CENPU: variants seen among roughly 807,000 people sequenced by gnomAD.
CENPU encodes centromere protein U, also known as KSHV latent nuclear antigen interacting protein 1.
In CENPU, 46 loss-of-function variants were observed where a neutral mutation model predicts 56.7. The observed-to-expected ratio is 0.81, with a 90% CI of 0.64 to 1.04. The LOEUF (loss-of-function observed/expected upper bound fraction) is 1.04. Among genes scored for constraint, CENPU ranks in the 50% least tolerant of loss-of-function variants. CENPU has a pLI of 0.00. For missense variants in CENPU, 510 were observed against 490.1 expected (o/e 1.04, Z -0.38); for synonymous variants, 166 against 163.0 (o/e 1.02, Z -0.14).
Position 184,694,450 on chromosome 4 carries a change from TA to T in CENPU, c.*837del. On this transcript the variant is annotated 3_prime_UTR_variant, in exon 13 of 13. Coordinates refer to ENST00000281453, the MANE Select transcript of CENPU (RefSeq NM_024629.4). ...TAATACCTTACTTCAACATAGAGTA[TA>T]AGGTTAAATCACATATCCTGAGTAA... 5.2e-6 allele frequency: 8 copies of T among 1,537,850 alleles called. No individual in the cohort carries two copies. The highest frequency in any genetic ancestry group is 7.0e-6 in the Non-Finnish European group (8 of 1,140,702).
chr4:184,710,593 G>A (rs1760889751), intron 7 of CENPU, among the ~76,000 whole-genome samples: 1 of 152,090 alleles, frequency 6.6e-6, no homozygotes, highest in Non-Finnish European at 1.5e-5. Context: ...TTAAATAATT[G>A]TAGTAATATA....
intron 8 of CENPU, among the ~76,000 whole-genome samples, chr4:184,706,870 C>T (rs965250900): frequency 2.6e-5 from 4 of 152,182 alleles, no homozygotes; most frequent in Non-Finnish European, 4.4e-5. Flanking sequence ...CTACCCACTG[C>T]AGCAACTCAG....
At chr4:184,730,558 A>G (rs768394108) in intron 2 of CENPU, among the ~76,000 whole-genome samples, 5 of 131,278 alleles carry the variant, frequency 3.8e-5, no homozygotes, top group Non-Finnish European at 8.2e-5. Flanking sequence ...CTCTAAAGAA[A>G]AGTAAACCTG....
intron 2 of CENPU, among the ~76,000 whole-genome samples, chr4:184,730,039 G>T (rs2150232260): frequency 6.6e-6 from 1 of 152,298 alleles, no homozygotes; most frequent in Admixed American, 6.5e-5. Context: ...GGAGAGAGCT[G>T]GCAGGTCTTC....
Position 184,695,256 on chromosome 4 carries a change from T to C in CENPU, c.*32A>G. ...GAAGGTAACAGCATGAGACTAGTCT[T>C]CCTATAGGCACATTTTAGTAGACTG... is the stretch of plus-strand genomic sequence containing the variant. On this transcript the variant is annotated 3_prime_UTR_variant, in exon 13 of 13. Coordinates refer to ENST00000281453, the MANE Select transcript of CENPU (RefSeq NM_024629.4). 1 of 1,410,892 alleles carries C rather than the reference T, an allele frequency of 7.1e-7. No individual in the cohort carries two copies. The highest frequency in any genetic ancestry group is 1.4e-5 in the African/African-American group (1 of 71,096). 87.4% of individuals were successfully genotyped at this position (1,410,892 alleles called of 1,614,324 possible).
chr4:184,722,708 A>G (rs1401363), intron 4 of CENPU, among the ~76,000 whole-genome samples: 25,644 of 151,808 alleles, frequency 0.17, 2,358 homozygotes, highest in African/African-American at 0.23. Context: ...AACAAAACAA[A>G]ACAAAACAAA....
intron 10 of CENPU, 68 bp downstream of exon 10, chr4:184,702,021 A>C: frequency 3.0e-6 from 3 of 1,016,558 alleles, no homozygotes; most frequent in Non-Finnish European, 4.6e-6. Context: ...ACCCAGAGTC[A>C]AGTCTTCGCA....
At chr4:184,696,020 T>C (rs1760283257) in intron 12 of CENPU, among the ~76,000 whole-genome samples, 1 of 152,108 alleles carries the variant, frequency 6.6e-6, no homozygotes, top group East Asian at 1.9e-4. Context: ...TTGAAATAAT[T>C]AACAAAGTCA....
In CENPU at chr4:184,694,444, AG is replaced by A; in HGVS notation, c.*843del. 6.6e-7 allele frequency: 1 copy of A among 1,508,268 alleles called. No homozygotes were observed. Among genetic ancestry groups the A allele is most frequent in the South Asian group, 1.3e-5 (1 of 74,728 alleles). 93.4% of individuals were successfully genotyped at this position (1,508,268 alleles called of 1,614,324 possible). A position where few individuals can be genotyped will look rare whatever the true frequency, so the allele number is the denominator to read the frequency against. On this transcript the variant is annotated 3_prime_UTR_variant, in exon 13 of 13. Coordinates refer to ENST00000281453, the MANE Select transcript of CENPU (RefSeq NM_024629.4). ...GTCACTTAATACCTTACTTCAACATAGAGTATAAGGTTAAATCACATATCCT... is the reference window on the plus strand; with the variant it reads ...GTCACTTAATACCTTACTTCAACATAAGTATAAGGTTAAATCACATATCCT...
chr4:184,704,187 C>T (rs1410354346), intron 8 of CENPU, among the ~76,000 whole-genome samples: 1 of 152,090 alleles, frequency 6.6e-6, no homozygotes, highest in Non-Finnish European at 1.5e-5. Flanking sequence ...TCCAGTGATC[C>T]TCCTGCCTCA....
intron 8 of CENPU, among the ~76,000 whole-genome samples, chr4:184,704,484 T>C (rs1443135016): frequency 6.6e-6 from 1 of 150,616 alleles, no homozygotes; most frequent in East Asian, 2.0e-4. Flanking sequence ...GTACATGCCA[T>C]CTAAGTTGGT....
intron 2 of CENPU, among the ~76,000 whole-genome samples, chr4:184,729,504 A>G (rs1272054784): frequency 6.6e-6 from 1 of 152,238 alleles, no homozygotes; most frequent in Admixed American, 6.5e-5. Context: ...GAACACTGCA[A>G]TTTGAATTTC....
rs200846398 is a variant in CENPU at position 184,700,771 on chromosome 4, A to T, written c.986+49T>A. The T allele has an allele frequency of 1.4e-5, 21 of 1,490,100 alleles. No homozygotes were observed. In the African/African-American group the frequency reaches 1.9e-4, roughly 14 times the overall value. The allele number at this position is 1,490,100 out of a possible 1,614,324, so 92.3% of individuals were successfully genotyped here. A position where few individuals can be genotyped will look rare whatever the true frequency, so the allele number is the denominator to read the frequency against. On this transcript the variant is annotated intron_variant, in intron 11 of 12. Transcript: ENST00000281453. ...TCACTCCCCTAAATGACACACCATCATTACATCCTTTTAGGTAAGTGCTCA... is the reference window on the plus strand; with the variant it reads ...TCACTCCCCTAAATGACACACCATCTTTACATCCTTTTAGGTAAGTGCTCA...
At chr4:184,732,320 G>A (rs912150691) in intron 1 of CENPU, among the ~76,000 whole-genome samples, 1 of 152,054 alleles carries the variant, frequency 6.6e-6, no homozygotes, top group Non-Finnish European at 1.5e-5. Flanking sequence ...TTCTCAAGAG[G>A]GCTTGTTGAA....
chr4:184,704,329 T>A (rs566189698), intron 8 of CENPU, among the ~76,000 whole-genome samples: 3 of 152,290 alleles, frequency 2.0e-5, no homozygotes, highest in African/African-American at 7.2e-5. Flanking sequence ...CTGTACCTTT[T>A]CTATGTTTAG....
At position 184,702,388 on chromosome 4, in the gene CENPU, T is replaced by G. The variant is rs1760564883; in HGVS notation, c.851A>C (p.Asn284Thr). The change falls in exon 9 of 13, where the codon AAT (asparagine) becomes ACT (threonine). Residue 284 changes from asparagine to threonine, a missense_variant. Transcript: ENST00000281453. ...CATTTTGATGAATTGTTCTTTAACA[T>G]TAACATAAAATGTGGCGATGGCTGC... is the stretch of plus-strand genomic sequence containing the variant. ...CKAAIATFYV[N>T]VKEQFIKMLK... 1 of 1,612,474 alleles carries G rather than the reference T, an allele frequency of 6.2e-7. No homozygotes were observed.
chr4:184,702,457 A>G lies in CENPU; in HGVS notation c.798-16T>C. The G allele has an allele frequency of 6.3e-7, 1 of 1,583,938 alleles. No individual in the cohort carries two copies. Among genetic ancestry groups the G allele is most frequent in the Non-Finnish European group, 8.6e-7 (1 of 1,163,032 alleles). On this transcript the variant is annotated splice_polypyrimidine_tract_variant and intron_variant, in intron 8 of 12. Transcript: ENST00000281453. ...TATTCTTTGTCTGTAGAGGAATTAA[A>G]AAAAAGTCTAAGTACCATGATGGAT...
intron 2 of CENPU, 61 bp downstream of exon 2, chr4:184,730,859 C>CA: frequency 7.3e-7 from 1 of 1,361,910 alleles, no homozygotes; most frequent in Non-Finnish European, 1.0e-6. Flanking sequence ...CTGAGGTACC[C>CA]AAAAAATGTT....
At position 184,710,198 on chromosome 4, in the gene CENPU, G is replaced by T. The variant is rs556916425; in HGVS notation, c.689-18C>A. On this transcript the variant is annotated intron_variant, in intron 7 of 12. Coordinates refer to ENST00000281453, the MANE Select transcript of CENPU (RefSeq NM_024629.4). ...AGAAGTATCTAAAATATTAAGATAAGTTAACATGCTGGTTATTCATATTTT... is the reference window on the plus strand; with the variant it reads ...AGAAGTATCTAAAATATTAAGATAATTTAACATGCTGGTTATTCATATTTT... 3.3e-6 allele frequency: 5 copies of T among 1,507,338 alleles called. No individual in the cohort carries two copies. The highest frequency in any genetic ancestry group is 4.6e-6 in the Non-Finnish European group (5 of 1,090,126). The allele number at this position is 1,507,338 out of a possible 1,614,324, so 93.4% of individuals were successfully genotyped here.
Sources: gnomAD v4.1 joint callset for allele counts (sites outside exome capture counted in the v4.1 genomes callset) on GRCh38, gnomAD v4.1.1 for gene constraint, MANE v1.5 for transcripts, NCBI Gene and HGNC (gene_info 2026-07-23, HGNC 2026-07-21) for gene names.